The following EMILIN1 variants were observed in gnomAD, a reference collection of about 807,000 sequenced individuals.
The protein encoded by EMILIN1 is EMILIN-1.
Under a neutral mutation model 82.4 loss-of-function variants are expected in EMILIN1, and 49 were observed. That is an observed-to-expected ratio of 0.59 (90% CI 0.47 to 0.75). The LOEUF is 0.75. Ranked by LOEUF, EMILIN1 falls within the 30% of genes least tolerant of loss-of-function variation. The probability of loss-of-function intolerance (pLI) is 0.00; values close to 1 mark genes in which losing one functional copy is unlikely to be tolerated. For missense variants in EMILIN1, 1,313 were observed against 1,366.4 expected (o/e 0.96, Z 0.62); for synonymous variants, 604 against 602.2 (o/e 1.00, Z -0.04).
Position 27,083,748 on chromosome 2 carries a change from G to T in EMILIN1, c.2177G>T (p.Arg726Leu), listed in dbSNP as rs777144262. 1 of 1,613,302 alleles carries T rather than the reference G, an allele frequency of 6.2e-7. No homozygotes were observed. Among genetic ancestry groups the T allele is most frequent in the African/African-American group, 1.3e-5 (1 of 74,934 alleles). Residue 726 changes from arginine (R) to leucine (L), a missense_variant, in exon 4 of 8, where the codon CGA becomes CTA. Coordinates refer to ENST00000380320, the MANE Select transcript of EMILIN1 (RefSeq NM_007046.4). ...QAGQCPSLEG[R>L]LGRLEGVCER... The stretch of plus-strand genomic sequence containing the variant: ...GGCCAGTGCCCCAGCTTAGAGGGGC[G>T]ATTGGGCCGTCTTGAGGGTGTCTGT...
Position 27,083,329 on chromosome 2 carries a change from C to G in EMILIN1, c.1758C>G (p.Gly586=). 1 of 1,613,240 alleles carries G rather than the reference C, an allele frequency of 6.2e-7. No homozygotes were observed. Among genetic ancestry groups the G allele is most frequent in the African/African-American group, 1.3e-5 (1 of 75,038 alleles). Residue 586 remains glycine, a synonymous_variant, in exon 4 of 8, where the codon GGC becomes GGG. Coordinates refer to ENST00000380320, the MANE Select transcript of EMILIN1 (RefSeq NM_007046.4). The part of the protein sequence containing the change: ...AHGDEGCGAC[G]GVQEELGRLR... ...GGGATGAGGGCTGTGGGGCCTGTGG[C>G]GGAGTCCAAGAGGAACTAGGCCGCC... is the stretch of plus-strand genomic sequence containing the variant.
intron 4 of EMILIN1, 150 bp from the exon 5 acceptor site, chr2:27,084,265 T>G (rs908892505): frequency 2.0e-5 from 14 of 713,616 alleles, no homozygotes; most frequent in Non-Finnish European, 2.5e-5. Context: ...GGATCCAGCA[T>G]ATGCAGCAAG....
Position 27,083,473 on chromosome 2 carries a change from CA to C in EMILIN1, c.1903del (p.Ser635AlafsTer27). On this transcript the variant is annotated frameshift_variant, in exon 4 of 8. Transcript: ENST00000380320. LOFTEE classifies it high-confidence loss of function. ...TGGACGGCTTCAGCGTGTTTGGGGG[CA>C]GCTCAGGCTCAGCCCTGCAGGCCCT... The part of the protein sequence containing the change: ...PLDGFSVFGG[S>X]SGSALQALQG... The C allele has an allele frequency of 6.2e-7, 1 of 1,613,224 alleles. No individual in the cohort carries two copies. The highest frequency in any genetic ancestry group is 8.5e-7 in the Non-Finnish European group (1 of 1,179,746).
At position 27,082,951 on chromosome 2, in the gene EMILIN1, G is replaced by A. The variant is rs1397830103; in HGVS notation, c.1380G>A (p.Leu460=). ...GGLLANVSGE[L]GGRLDLLEEQ... ...TGCTGGCCAATGTGAGCGGGGAGCTGGGGGGGCGGTTGGATCTGTTGGAGG... is the reference window on the plus strand; with the variant it reads ...TGCTGGCCAATGTGAGCGGGGAGCTAGGGGGGCGGTTGGATCTGTTGGAGG... Residue 460 remains leucine (L), a synonymous_variant, in exon 4 of 8, where the codon CTG becomes CTA. Transcript: ENST00000380320. 1.9e-6 allele frequency: 3 copies of A among 1,581,150 alleles called. No homozygotes were observed. The highest frequency in any genetic ancestry group is 1.7e-5 in the Admixed American group (1 of 57,276).
chr2:27,082,003 C>A, intron 3 of EMILIN1, 80 bp from the exon 4 acceptor site: 14 of 1,455,860 alleles, frequency 9.6e-6, no homozygotes, highest in Non-Finnish European at 1.3e-5. Flanking sequence ...GGGCATCTGA[C>A]CCTTGCTGGA....
rs1402166588 is a variant in EMILIN1, at chr2:27,082,365, A to C, written c.794A>C (p.His265Pro). 6.2e-7 allele frequency: 1 copy of C among 1,611,650 alleles called. No homozygotes were observed. Among genetic ancestry groups the C allele is most frequent in the Non-Finnish European group, 8.5e-7 (1 of 1,179,648 alleles). Residue 265 changes from histidine (H) to proline (P), a missense_variant, in exon 4 of 8, where the codon CAT becomes CCT. By Grantham distance (77) the His-to-Pro change is moderately conservative. Transcript: ENST00000380320. ...GAGCTGGGTCACCTCAACAACCATC[A>C]TGGCGGCAGCAGCAGCAGTGGGGGC... ...DQELGHLNNH[H>P]GGSSSSGGSR... is the part of the protein sequence containing the mutation.
In EMILIN1 at chr2:27,080,190, T is replaced by C. The variant is rs746417805; in HGVS notation, c.210T>C (p.Cys70=). The change falls in exon 2 of 8, where the codon TGT becomes TGC. Residue 70 remains cysteine (C), a synonymous_variant. Coordinates refer to ENST00000380320, the MANE Select transcript of EMILIN1 (RefSeq NM_007046.4). ...CAYVVTRTVS[C]VLEDGVETYV... is the part of the protein sequence containing the mutation. The stretch of plus-strand genomic sequence containing the variant: ...ACGTGGTGACCCGGACAGTGAGCTG[T>C]GTCCTTGAGGATGGAGTGGAGACAT... 2 of 1,614,116 alleles carry C rather than the reference T, an allele frequency of 1.2e-6. No individual in the cohort carries two copies. The highest frequency in any genetic ancestry group is 1.7e-6 in the Non-Finnish European group (2 of 1,179,952).
rs558070418 is a variant in EMILIN1, at chr2:27,082,925, C to A, written c.1354C>A (p.Leu452Met). 2.2e-5 allele frequency: 35 copies of A among 1,590,820 alleles called. No individual in the cohort carries two copies. The South Asian group carries it at 3.9e-4, about 18-fold the overall frequency. Residue 452 changes from leucine (L) to methionine (M), a missense_variant, in exon 4 of 8, where the codon CTG becomes ATG. Transcript: ENST00000380320. The stretch of plus-strand genomic sequence containing the variant: ...GGGCCGACTAGAGCAGTTGGGGGGG[C>A]TGCTGGCCAATGTGAGCGGGGAGCT... ...ARGRLEQLGGLLANVSGELGG... is the reference protein window; with the variant it reads ...ARGRLEQLGGMLANVSGELGG...
rs987158143 is a variant in EMILIN1, at chr2:27,078,950, G to A, written c.-116G>A. 3.1e-5 allele frequency: 24 copies of A among 770,116 alleles called. No individual in the cohort carries two copies. The highest frequency in any genetic ancestry group is 4.6e-5 in the Non-Finnish European group (24 of 516,970). 47.7% of individuals were successfully genotyped at this position (770,116 alleles called of 1,614,324 possible). ...GGCCGGGGGCTATCAGAAGGAAACTGGGACGGACGGGCCGGGCTCGGGCTG... is the reference window on the plus strand; with the variant it reads ...GGCCGGGGGCTATCAGAAGGAAACTAGGACGGACGGGCCGGGCTCGGGCTG... On this transcript the variant is annotated 5_prime_UTR_variant, in exon 1 of 8. Coordinates refer to ENST00000380320, the MANE Select transcript of EMILIN1 (RefSeq NM_007046.4).
chr2:27,084,554 T>C (rs748917337), intron 5 of EMILIN1, 23 bp downstream of exon 5: 3 of 1,504,086 alleles, frequency 2.0e-6, no homozygotes, highest in Non-Finnish European at 2.8e-6. Flanking sequence ...AGACCCTTGC[T>C]GCAGTCAGGG....
In EMILIN1 at chr2:27,083,777, C is replaced by G. The variant is rs139887250; in HGVS notation, c.2206C>G (p.Arg736Gly). The G allele has an allele frequency of 1.1e-5, 17 of 1,606,958 alleles. No homozygotes were observed. The highest frequency in any genetic ancestry group is 1.4e-5 in the Non-Finnish European group (17 of 1,174,184). ...RLGRLEGVCERLDTVAGGLQG... is the reference protein window; with the variant it reads ...RLGRLEGVCEGLDTVAGGLQG... Reference sequence around the variant, plus strand: ...GGGCCGTCTTGAGGGTGTCTGTGAACGGTTGGACACTGTGGCTGGGGGACT... The same window carrying G: ...GGGCCGTCTTGAGGGTGTCTGTGAAGGGTTGGACACTGTGGCTGGGGGACT... Residue 736 changes from arginine (R) to glycine (G), a missense_variant, in exon 4 of 8, where the codon CGG becomes GGG. Physicochemically the swap from Arg to Gly is moderately radical, Grantham distance 125 (BLOSUM62 -2). Coordinates refer to ENST00000380320, the MANE Select transcript of EMILIN1 (RefSeq NM_007046.4).
chr2:27,080,860 C>T lies in EMILIN1; in HGVS notation c.419C>T (p.Ala140Val), dbSNP rs753037297. 6.2e-6 allele frequency: 10 copies of T among 1,611,106 alleles called. No individual in the cohort carries two copies. The highest frequency in any genetic ancestry group is 1.3e-5 in the African/African-American group (1 of 74,916). The change falls in exon 3 of 8, where the codon GCG (alanine) becomes GTG (valine). Residue 140 changes from alanine (A) to valine (V), a missense_variant. Transcript: ENST00000380320. The part of the protein sequence containing the change: ...AESPAPALGP[A>V]SSTPRPLARP... The stretch of plus-strand genomic sequence containing the variant: ...AGTCCCGCTCCAGCGCTGGGGCCTG[C>T]GTCTTCCACACCACGGCCCCTGGCC...
chr2:27,081,108 C>CGTGTGTGT (rs56048649), intron 3 of EMILIN1, among the ~76,000 whole-genome samples, 156 bp downstream of exon 3: 1,585 of 142,620 alleles, frequency 0.011, 23 homozygotes, highest in African/African-American at 0.02. Context: ...ATTCCCTGCC[C>CGTGTGTGT]GTGTGTGTGT....
chr2:27,081,092 G>T, intron 3 of EMILIN1, 140 bp downstream of exon 3: 1 of 617,044 alleles, frequency 1.6e-6, no homozygotes, highest in Non-Finnish European at 2.8e-6. Flanking sequence ...TAGTGAGATC[G>T]CAGAGATTCC....
At chr2:27,079,298 G>T (rs961070378) in intron 1 of EMILIN1, 63 bp downstream of exon 1, 18 of 1,351,182 alleles carry the variant, frequency 1.3e-5, no homozygotes, top group Non-Finnish European at 1.7e-5. Context: ...TGCCACCTCT[G>T]CCTGGCTCTC....
In EMILIN1 at chr2:27,082,237, G is replaced by A; in HGVS notation, c.666G>A (p.Gln222=). ...RAVETAFNGR[Q]QPADAAARPG... Reference sequence around the variant, plus strand: ...TGGAGACGGCCTTCAACGGGAGGCAGCAGCCAGCTGACGCGGCTGCCCGCC... The same window carrying A: ...TGGAGACGGCCTTCAACGGGAGGCAACAGCCAGCTGACGCGGCTGCCCGCC... The change falls in exon 4 of 8, where the codon CAG becomes CAA. Residue 222 remains glutamine, a synonymous_variant. Transcript: ENST00000380320. 1 of 1,613,406 alleles carries A rather than the reference G, an allele frequency of 6.2e-7. No homozygotes were observed. The highest frequency in any genetic ancestry group is 8.5e-7 in the Non-Finnish European group (1 of 1,179,984).
At position 27,083,702 on chromosome 2, in the gene EMILIN1, G is replaced by C. The variant is rs1175964199; in HGVS notation, c.2131G>C (p.Glu711Gln). ...GAGTGAAGAGCGCTTCCGAGGCCTA[G>C]AGGAGGGACAAGCACAGGCCGGCCA... Reference protein sequence around the residue: ...TESEERFRGLEEGQAQAGQCP... With the variant: ...TESEERFRGLQEGQAQAGQCP... Residue 711 changes from glutamate to glutamine, a missense_variant, in exon 4 of 8, where the codon GAG becomes CAG. Physicochemically the swap from Glu to Gln is conservative, Grantham distance 29 (BLOSUM62 2). Transcript: ENST00000380320. 1 of 1,613,936 alleles carries C rather than the reference G, an allele frequency of 6.2e-7. No individual in the cohort carries two copies. Among genetic ancestry groups the C allele is most frequent in the African/African-American group, 1.3e-5 (1 of 74,948 alleles).
intron 2 of EMILIN1, among the ~76,000 whole-genome samples, chr2:27,080,472 A>G (rs1340115544): frequency 6.6e-6 from 1 of 152,184 alleles, no homozygotes; most frequent in East Asian, 1.9e-4. Flanking sequence ...CCAGCCCCAG[A>G]TGCCTTCTCT....
Position 27,080,737 on chromosome 2 carries a change from G to T in EMILIN1, c.296G>T (p.Arg99Leu), listed in dbSNP as rs554471085. The stretch of plus-strand genomic sequence containing the variant: ...CCTCCTTCTGCCTCTGCCAGGTACC[G>T]CCGCTTCCTCCGCCCTCGCTACCGT... The part of the protein sequence containing the change: ...QPQCPQSIMY[R>L]RFLRPRYRVA... Residue 99 changes from arginine to leucine, a missense_variant, in exon 3 of 8, where the codon CGC becomes CTC. By Grantham distance (102) the Arg-to-Leu change is moderately radical. Transcript: ENST00000380320. 1.1e-5 allele frequency: 18 copies of T among 1,612,310 alleles called. No homozygotes were observed. The highest frequency in any genetic ancestry group is 1.7e-4 in the Middle Eastern group (1 of 6,060).
Sources: allele counts gnomAD v4.1 joint callset (sites outside exome capture counted in the v4.1 genomes callset), GRCh38; gene constraint gnomAD v4.1.1; transcripts MANE v1.5; gene names NCBI Gene and HGNC (gene_info 2026-07-23, HGNC 2026-07-21).